Variants in PARVB observed in about 807,000 individuals in gnomAD.
PARVB encodes the protein beta-parvin.
Under a neutral mutation model 47.0 loss-of-function variants are expected in PARVB, and 46 were observed. The observed-to-expected ratio is 0.98, with a 90% CI of 0.77 to 1.25. The LOEUF (loss-of-function observed/expected upper bound fraction) is 1.25. Ranked by LOEUF, PARVB falls within the 50% of genes most tolerant of loss-of-function variation. PARVB has a pLI of 0.00. For missense variants in PARVB, 473 were observed against 471.6 expected, an observed-to-expected ratio of 1.00 and a Z score of -0.03; for synonymous variants, 196 against 196.3, an observed-to-expected ratio of 1.00 and a Z score of 0.01.
At position 44,101,842 on chromosome 22, in the gene PARVB, A is replaced by AT. The variant is rs536889664; in HGVS notation, c.273+1725dup. Among the ~76,000 whole-genome samples, 312 of 151,744 alleles carry AT rather than the reference A, an allele frequency of 2.1e-3. 1 individual carries two copies. Among genetic ancestry groups the AT allele is most frequent in the African/African-American group, 7.0e-3 (291 of 41,394 alleles). On this transcript the variant is annotated intron_variant, in intron 3 of 12. Transcript: ENST00000338758. The stretch of plus-strand genomic sequence containing the variant: ...TAACTTAAATTATTTAATTTGTTTT[A>AT]TTTTTTCCCTCTGAATACCCACTTT...
At chr22:44,107,804 A>C (rs1402966193) in intron 3 of PARVB, 1 of 152,022 alleles carries the variant, frequency 6.6e-6, no homozygotes, top group Non-Finnish European at 1.5e-5. Context: ...GGGAGAGGGC[A>C]TGGAAGCCCC....
chr22:44,061,648 A>C (rs2051422544), intron 1 of PARVB, among the ~76,000 whole-genome samples: 1 of 151,332 alleles, frequency 6.6e-6, no homozygotes, highest in Non-Finnish European at 1.5e-5. Flanking sequence ...GTGGAGTCTC[A>C]CTGCGTCACC....
rs1460539859 is a variant in PARVB at position 44,170,456 on chromosome 22, G to GGCAT, written c.*1779_*1782dup. The GGCAT allele has an allele frequency of 1.3e-5, 2 of 152,178 alleles. No individual in the cohort carries two copies. The highest frequency in any genetic ancestry group is 2.9e-5 in the Non-Finnish European group (2 of 68,078). The allele number at this position is 152,178 out of a possible 1,614,324, so 9.4% of individuals were successfully genotyped here. A position where few individuals can be genotyped will look rare whatever the true frequency, so the allele number is the denominator to read the frequency against. ...GACTTCAGCATGTGGATTTGTGGGG[G>GGCAT]GCATAATTTGCCTTGTACCGGGAGG... is the stretch of plus-strand genomic sequence containing the variant. On this transcript the variant is annotated 3_prime_UTR_variant, in exon 13 of 13. Coordinates refer to ENST00000338758, the MANE Select transcript of PARVB (RefSeq NM_013327.5).
intron 1 of PARVB, among the ~76,000 whole-genome samples, chr22:44,077,497 T>G (rs1431978462): frequency 1.3e-5 from 2 of 151,320 alleles, no homozygotes; most frequent in East Asian, 3.9e-4. Flanking sequence ...TTAGGGGAGA[T>G]ACAGTGCAAT....
At chr22:44,031,268 C>G (rs1028746739) in intron 1 of PARVB, 8 of 152,152 alleles carry the variant, frequency 5.3e-5, no homozygotes, top group African/African-American at 1.7e-4. Context: ...CCAGTGAGGG[C>G]CTATCTCTTT....
chr22:44,133,011 TGAGTATAACC>T lies in PARVB; in HGVS notation c.633+7_633+16del. 1 of 1,608,984 alleles carries T rather than the reference TGAGTATAACC, an allele frequency of 6.2e-7. No homozygotes were observed. The highest frequency in any genetic ancestry group is 8.5e-7 in the Non-Finnish European group (1 of 1,176,634). ...ACGGTGCAGGTGGTGGTCGTGCGGG[TGAGTATAACC>T]GAGTGGTCGGCCTGCCTGTAACTCC... On this transcript the variant is annotated splice_donor_5th_base_variant and intron_variant, in intron 6 of 12. Coordinates refer to ENST00000338758, the MANE Select transcript of PARVB (RefSeq NM_013327.5).
intron 4 of PARVB, among the ~76,000 whole-genome samples, chr22:44,126,787 C>A (rs2053194955): frequency 6.6e-6 from 1 of 152,202 alleles, no homozygotes; most frequent in South Asian, 2.1e-4. Context: ...CTTTTGCCTG[C>A]ACCTGTGGCT....
intron 1 of PARVB, among the ~76,000 whole-genome samples, chr22:44,088,127 C>T (rs1468091341): frequency 1.3e-5 from 2 of 152,156 alleles, no homozygotes; most frequent in Non-Finnish European, 2.9e-5. Flanking sequence ...AAGCTGGGAT[C>T]CAAAACCAGC....
In PARVB at chr22:44,153,867, C is replaced by T. The variant is rs914405140; in HGVS notation, c.843+2316C>T. On this transcript the variant is annotated intron_variant, in intron 10 of 12. Coordinates refer to ENST00000338758, the MANE Select transcript of PARVB (RefSeq NM_013327.5). Reference sequence around the variant, plus strand: ...TGCACCTCATTAAACCAGTGCCTCACGACTGGATGTTTTTCTGCTCCTGTA... The same window carrying T: ...TGCACCTCATTAAACCAGTGCCTCATGACTGGATGTTTTTCTGCTCCTGTA... Among the ~76,000 whole-genome samples, 10 of 152,232 alleles carry T rather than the reference C, an allele frequency of 6.6e-5. 1 individual carries two copies. In the South Asian group the frequency reaches 1.9e-3, roughly 28 times the overall value.
At chr22:44,157,793 C>T (rs1256344594) in intron 10 of PARVB, among the ~76,000 whole-genome samples, 189 bp from the exon 11 acceptor site, 2 of 152,020 alleles carry the variant, frequency 1.3e-5, no homozygotes, top group South Asian at 2.1e-4. Context: ...GTGGGAGAAT[C>T]GCCTCAGGGA....
intron 3 of PARVB, chr22:44,109,114 G>A (rs541542581): frequency 6.6e-6 from 1 of 152,370 alleles, no homozygotes; most frequent in East Asian, 1.9e-4. Context: ...AAGAAAATCA[G>A]CTGCATGAAA....
chr22:44,039,797 C>T, intron 1 of PARVB: 1 of 451,710 alleles, frequency 2.2e-6, no homozygotes, highest in South Asian at 1.6e-5. Flanking sequence ...CAAAAGAGTA[C>T]ACACTGTGTG....
chr22:44,156,765 C>T (rs934966758), intron 10 of PARVB, among the ~76,000 whole-genome samples: 6 of 151,930 alleles, frequency 3.9e-5, no homozygotes, highest in African/African-American at 1.2e-4. Context: ...TTAGCATAAG[C>T]GAGACACAAA....
Position 44,170,990 on chromosome 22 carries a change from A to AT in PARVB, c.*2313dup, listed in dbSNP as rs1050641656. 4 of 152,242 alleles carry AT rather than the reference A, an allele frequency of 2.6e-5. No homozygotes were observed. Among genetic ancestry groups the AT allele is most frequent in the African/African-American group, 9.6e-5 (4 of 41,462 alleles). The allele number at this position is 152,242 out of a possible 1,614,324, so 9.4% of individuals were successfully genotyped here. A position where few individuals can be genotyped will look rare whatever the true frequency, so the allele number is the denominator to read the frequency against. On this transcript the variant is annotated 3_prime_UTR_variant, in exon 13 of 13. Coordinates refer to ENST00000338758, the MANE Select transcript of PARVB (RefSeq NM_013327.5). ...GGTGATTTCCCAGCAGGGGAAAGAAATAATTAAAACAGCATTACGGTGTCT... is the reference window on the plus strand; with the variant it reads ...GGTGATTTCCCAGCAGGGGAAAGAAATTAATTAAAACAGCATTACGGTGTCT...
intron 4 of PARVB, among the ~76,000 whole-genome samples, chr22:44,120,447 A>G (rs1233921486): frequency 6.6e-6 from 1 of 151,986 alleles, no homozygotes. Flanking sequence ...ATATCCTCCC[A>G]TCGGGATCTG....
rs2052836994 is a variant in PARVB at position 44,114,969 on chromosome 22, G to A, written c.274-4069G>A. The A allele has an allele frequency of 1.9e-5, 2 of 106,012 alleles. 1 individual carries two copies. The highest frequency in any genetic ancestry group is 9.2e-5 in the African/African-American group (2 of 21,648). 6.6% of individuals were successfully genotyped at this position (106,012 alleles called of 1,614,324 possible). On this transcript the variant is annotated intron_variant, in intron 3 of 12. Coordinates refer to ENST00000338758, the MANE Select transcript of PARVB (RefSeq NM_013327.5). ...GGCCCTGCACCAACACAGATACGTT[G>A]TTACTAAGTAAGGCCCTGCACCAAC...
intron 1 of PARVB, among the ~76,000 whole-genome samples, chr22:44,056,424 C>A (rs551403140): frequency 4.7e-4 from 71 of 152,360 alleles, no homozygotes; most frequent in African/African-American, 1.6e-3. Context: ...TTCCTGCCTG[C>A]TGAACCAGAT....
intron 2 of PARVB, among the ~76,000 whole-genome samples, chr22:44,097,683 A>G (rs2052341217): frequency 6.6e-6 from 1 of 152,120 alleles, no homozygotes; most frequent in Non-Finnish European, 1.5e-5. Context: ...ATCTGCAGAC[A>G]TGGACACACT....
chr22:44,132,046 G>C (rs2053338683), intron 5 of PARVB, among the ~76,000 whole-genome samples: 1 of 152,224 alleles, frequency 6.6e-6, no homozygotes. Context: ...TTTCAGCCAA[G>C]ACATGAACCC....
Sources: gnomAD v4.1 joint callset for allele counts (sites outside exome capture counted in the v4.1 genomes callset) on GRCh38, gnomAD v4.1.1 for gene constraint, MANE v1.5 for transcripts, NCBI Gene and HGNC (gene_info 2026-07-23, HGNC 2026-07-21) for gene names.